HEG1: variants seen among roughly 807,000 people sequenced by gnomAD.
HEG1 encodes the protein heart development protein with EGF like domains 1.
A neutral mutation model predicts 125.6 loss-of-function variants in HEG1; 56 were observed. The ratio of observed to expected loss-of-function variants is 0.45; its 90% CI spans 0.36 to 0.56. HEG1 has a LOEUF of 0.56. Among genes scored for constraint, HEG1 ranks in the 20% least tolerant of loss-of-function variants. The pLI, the probability that HEG1 is intolerant of heterozygous loss-of-function variation, is 0.00. For synonymous variants in HEG1, 644 were observed against 668.5 expected (o/e 0.96, Z 0.57); for missense variants, 1,523 against 1,670.0 (o/e 0.91, Z 1.53).
At position 124,994,118 on chromosome 3, in the gene HEG1, C is replaced by T. The variant is rs191904835; in HGVS notation, c.3653-3132G>A. Among the ~76,000 whole-genome samples the T allele has an allele frequency of 2.6e-5, 4 of 152,284 alleles. No homozygotes were observed. In the East Asian group the frequency reaches 7.7e-4, roughly 29 times the overall value. ...GGGGGTGGTCTTGGGAAGATGGTCT[C>T]GGAATGAAGCTGTTCCACCTCAGAT... On this transcript the variant is annotated intron_variant, in intron 12 of 16. Coordinates refer to ENST00000311127, the MANE Select transcript of HEG1 (RefSeq NM_020733.2).
intron 3 of HEG1, among the ~76,000 whole-genome samples, chr3:125,022,373 A>G (rs886550453): frequency 1.3e-5 from 2 of 151,078 alleles, no homozygotes; most frequent in Admixed American, 1.3e-4. Flanking sequence ...AAAACCACAA[A>G]TAAATTTTAA....
intron 12 of HEG1, among the ~76,000 whole-genome samples, chr3:124,994,142 A>G (rs1936877511): frequency 2.0e-5 from 3 of 152,170 alleles, no homozygotes. Context: ...TCCACCTCAG[A>G]TCATCAGGCA....
rs1937325271 is a variant in HEG1, at chr3:125,020,914, G to A, written c.1130C>T (p.Ser377Phe). The stretch of plus-strand genomic sequence containing the variant: ...ACTGTTTCTTCTCGATTCCACTGCA[G>A]AGGGTGAAAGAAGGACTGAGGATGA... ...TTSSSVLLSP[S>F]AVESRRNSRV... Residue 377 changes from serine to phenylalanine, a missense_variant, in exon 4 of 17, where the codon TCT (serine) becomes TTT (phenylalanine). Coordinates refer to ENST00000311127, the MANE Select transcript of HEG1 (RefSeq NM_020733.2). The A allele has an allele frequency of 1.9e-6, 3 of 1,614,054 alleles. No homozygotes were observed. The highest frequency in any genetic ancestry group is 1.7e-6 in the Non-Finnish European group (2 of 1,179,906).
In HEG1 at chr3:124,966,234, GA is replaced by G. The variant is rs1936307007; in HGVS notation, c.*4417del. ...GCAAATTCTTCAAAATGTCCTCTTTGAAAATGCCCAGGTGACAGACCCAGTC... is the reference window on the plus strand; with the variant it reads ...GCAAATTCTTCAAAATGTCCTCTTTGAAATGCCCAGGTGACAGACCCAGTC... On this transcript the variant is annotated 3_prime_UTR_variant, in exon 17 of 17. Transcript: ENST00000311127. 6.6e-6 allele frequency: 1 copy of G among 152,120 alleles called. No individual in the cohort carries two copies. The highest frequency in any genetic ancestry group is 2.1e-4 in the South Asian group (1 of 4,820). 9.4% of individuals were successfully genotyped at this position (152,120 alleles called of 1,614,324 possible).
Position 125,020,920 on chromosome 3 carries a change from G to C in HEG1, c.1124C>G (p.Ser375Ter). The C allele has an allele frequency of 6.2e-7, 1 of 1,614,038 alleles. No individual in the cohort carries two copies. Among genetic ancestry groups the C allele is most frequent in the Non-Finnish European group, 8.5e-7 (1 of 1,179,894 alleles). The part of the protein sequence containing the change: ...IATTSSSVLL[S>*]PSAVESRRNS... ...TCTTCTCGATTCCACTGCAGAGGGT[G>C]AAAGAAGGACTGAGGATGAAGTCGT... Residue 375 changes from serine (S) to a stop codon, truncating the protein, a stop_gained, in exon 4 of 17, where the codon TCA becomes TGA. Coordinates refer to ENST00000311127, the MANE Select transcript of HEG1 (RefSeq NM_020733.2). LOFTEE classifies it high-confidence loss of function.
chr3:124,972,835 GTC>G (rs933067871), intron 16 of HEG1, among the ~76,000 whole-genome samples: 2 of 152,176 alleles, frequency 1.3e-5, no homozygotes, highest in Non-Finnish European at 2.9e-5. Flanking sequence ...GTTCAAGGTT[GTC>G]TCCTACCTTT....
chr3:125,040,503 T>C (rs4679266), intron 1 of HEG1, among the ~76,000 whole-genome samples: 17,220 of 152,064 alleles, frequency 0.11, 2,338 homozygotes, highest in African/African-American at 0.33. Flanking sequence ...ACACTGATGC[T>C]CAGCTGTGGA....
rs1260454775 is a variant in HEG1 at position 125,027,520 on chromosome 3, A to G, written c.611-13T>C. 6.3e-7 allele frequency: 1 copy of G among 1,575,474 alleles called. No homozygotes were observed. Among genetic ancestry groups the G allele is most frequent in the Non-Finnish European group, 8.6e-7 (1 of 1,163,300 alleles). ...AGACTTTCTGAGGCTGAAAACAGAC[A>G]AAAACAATTAGAATTCCACCAGCAG... is the stretch of plus-strand genomic sequence containing the variant. On this transcript the variant is annotated splice_polypyrimidine_tract_variant and intron_variant, in intron 2 of 16. Coordinates refer to ENST00000311127, the MANE Select transcript of HEG1 (RefSeq NM_020733.2).
chr3:125,034,482 T>A (rs191918840), intron 1 of HEG1, among the ~76,000 whole-genome samples: 42 of 152,284 alleles, frequency 2.8e-4, no homozygotes, highest in African/African-American at 9.6e-4. Context: ...AGATTAGATA[T>A]GGCCAAAGTG....
intron 1 of HEG1, among the ~76,000 whole-genome samples, chr3:125,036,984 A>T (rs1448595076): frequency 6.6e-6 from 1 of 152,264 alleles, no homozygotes; most frequent in African/African-American, 2.4e-5. Flanking sequence ...GGAAGGGTGC[A>T]AAGTTTCGGG....
intron 1 of HEG1, among the ~76,000 whole-genome samples, chr3:125,033,680 T>C (rs1403321830): frequency 6.6e-6 from 1 of 152,146 alleles, no homozygotes; most frequent in Non-Finnish European, 1.5e-5. Context: ...GGGTAAACTT[T>C]ATGGCATGTA....
intron 11 of HEG1, among the ~76,000 whole-genome samples, chr3:125,000,288 G>T (rs1936982435): frequency 1.3e-5 from 2 of 152,234 alleles, no homozygotes; most frequent in African/African-American, 4.8e-5. Context: ...GGGCTGCCAT[G>T]AGCAGGCTCT....
At position 125,055,935 on chromosome 3, in the gene HEG1, A is replaced by AGGGCAGCGGGCAGC. The variant is rs200147885; in HGVS notation, c.-59_-46dup. 3.5e-3 allele frequency: 2,773 copies of AGGGCAGCGGGCAGC among 800,238 alleles called. 55 individuals carry two copies. In the African/African-American group the frequency reaches 0.039, roughly 11 times the overall value. The allele number at this position is 800,238 out of a possible 1,614,324, so 49.6% of individuals were successfully genotyped here. On this transcript the variant is annotated 5_prime_UTR_variant, in exon 1 of 17. Coordinates refer to ENST00000311127, the MANE Select transcript of HEG1 (RefSeq NM_020733.2). The stretch of plus-strand genomic sequence containing the variant: ...GCTCACATGCCCGGCGCGCGGGGCG[A>AGGGCAGCGGGCAGC]GGGCAGCGGGCAGCGGGCAGCGGGC...
intron 1 of HEG1, among the ~76,000 whole-genome samples, chr3:125,035,153 A>T (rs1340328634): frequency 1.3e-5 from 2 of 152,062 alleles, no homozygotes; most frequent in East Asian, 3.9e-4. Context: ...TTTAGTAGAG[A>T]TGGGGTTTCA....
At chr3:125,026,900 T>C (rs911261454) in intron 3 of HEG1, among the ~76,000 whole-genome samples, 3 of 151,870 alleles carry the variant, frequency 2.0e-5, no homozygotes, top group African/African-American at 7.3e-5. Context: ...CTCAGGAGAC[T>C]GAGGCAGGAG....
chr3:124,988,004 G>A (rs1332218716), intron 14 of HEG1, among the ~76,000 whole-genome samples: 1 of 132,492 alleles, frequency 7.5e-6, no homozygotes, highest in Non-Finnish European at 1.6e-5. Context: ...CCAGCATTTG[G>A]GAAACAAGAC....
intron 14 of HEG1, among the ~76,000 whole-genome samples, chr3:124,987,898 A>G (rs1936765538): frequency 8.1e-6 from 1 of 123,964 alleles, no homozygotes; most frequent in Non-Finnish European, 1.7e-5. Context: ...GCCTTGAAGC[A>G]TCTCTTCTGA....
At chr3:125,010,702 T>C in intron 6 of HEG1, 147 bp from the exon 7 acceptor site, 2 of 624,018 alleles carry the variant, frequency 3.2e-6, no homozygotes, top group Admixed American at 2.8e-5. Context: ...AAAAGTAAAA[T>C]GGGTTTCCCA....
intron 1 of HEG1, 79 bp downstream of exon 1, chr3:125,055,496 C>T: frequency 1.0e-6 from 1 of 989,724 alleles, no homozygotes; most frequent in Non-Finnish European, 1.3e-6. Flanking sequence ...GAGGGGCCTA[C>T]GGCTGGGGAT....
Sources: gnomAD v4.1 joint callset for allele counts (sites outside exome capture counted in the v4.1 genomes callset) on GRCh38, gnomAD v4.1.1 for gene constraint, MANE v1.5 for transcripts, NCBI Gene and HGNC (gene_info 2026-07-23, HGNC 2026-07-21) for gene names.